FRMD7: variants seen among roughly 807,000 people sequenced by gnomAD.
The protein encoded by FRMD7 is FERM domain containing 7.
In FRMD7, 14 loss-of-function variants were observed where a neutral mutation model predicts 44.1. That is an observed-to-expected ratio of 0.32 (90% CI 0.21 to 0.50). The LOEUF (loss-of-function observed/expected upper bound fraction) is 0.50, where lower values mean the gene tolerates loss of function less well. Ranked by LOEUF, FRMD7 falls within the 20% of genes least tolerant of loss-of-function variation. The pLI, the probability that FRMD7 is intolerant of heterozygous loss-of-function variation, is 0.99. For missense variants in FRMD7, 501 were observed against 522.3 expected (o/e 0.96, Z 0.40); for synonymous variants, 212 against 187.4 (o/e 1.13, Z -1.07).
At chrX:132,084,388 G>A (rs961306588) in intron 8 of FRMD7, 102 bp downstream of exon 8, 6 of 563,921 alleles carry the variant, frequency 1.1e-5, no homozygotes, top group East Asian at 3.3e-5. Context: ...CATCACTCAG[G>A]GCCAGCCGGC....
chrX:132,080,473 G>A (rs1031981741), intron 9 of FRMD7, among the ~76,000 whole-genome samples: 5 of 112,008 alleles, frequency 4.5e-5, no homozygotes, highest in Admixed American at 3.8e-4. Flanking sequence ...AATTTTTAAA[G>A]GCCTCTGAAC....
chrX:132,114,356 G>T (rs1160317043), intron 1 of FRMD7, among the ~76,000 whole-genome samples: 1 of 111,285 alleles, frequency 9.0e-6, no homozygotes, highest in Non-Finnish European at 1.9e-5. Flanking sequence ...AATATATTCA[G>T]GAAACTATTC....
chrX:132,079,490 G>A (rs908589177), intron 11 of FRMD7, among the ~76,000 whole-genome samples: 3 of 111,807 alleles, frequency 2.7e-5, no homozygotes, highest in Non-Finnish European at 5.6e-5. Context: ...GGGTTTATGA[G>A]ACCTATAATT....
At chrX:132,125,853 G>T (rs967160400) in intron 1 of FRMD7, among the ~76,000 whole-genome samples, 2 of 111,388 alleles carry the variant, frequency 1.8e-5, no homozygotes, top group Non-Finnish European at 3.8e-5. Context: ...GAGAGTTCTG[G>T]ATTGGAAGTC....
chrX:132,097,598 G>C (rs1346109985), intron 3 of FRMD7, among the ~76,000 whole-genome samples: 2 of 110,852 alleles, frequency 1.8e-5, no homozygotes, highest in Non-Finnish European at 3.8e-5. Flanking sequence ...CTCTGCCTTC[G>C]AGTTTATTTG....
intron 3 of FRMD7, 96 bp from the exon 4 acceptor site, chrX:132,097,440 C>CACACA: frequency 1.7e-6 from 1 of 577,365 alleles, no homozygotes; most frequent in Non-Finnish European, 3.1e-6. Context: ...CACACACACA[C>CACACA]CGCTCTCCTC....
intron 3 of FRMD7, 148 bp from the exon 4 acceptor site, chrX:132,097,492 T>C (rs1928376016): frequency 4.0e-6 from 2 of 505,241 alleles, no homozygotes; most frequent in Admixed American, 5.4e-5. Flanking sequence ...GACTTCTGTG[T>C]TTCCATTTAT....
chrX:132,117,967 T>C (rs1367121909), intron 1 of FRMD7, among the ~76,000 whole-genome samples: 1 of 112,285 alleles, frequency 8.9e-6, no homozygotes, highest in African/African-American at 3.2e-5. Context: ...TTATTTTTGC[T>C]TGAGACTTTG....
At chrX:132,119,739 C>T (rs1569349216) in intron 1 of FRMD7, among the ~76,000 whole-genome samples, 1 of 111,173 alleles carries the variant, frequency 9.0e-6, no homozygotes, top group Non-Finnish European at 1.9e-5. Flanking sequence ...GTTCCGCAGC[C>T]CCCAGAAAAA....
chrX:132,106,508 C>T (rs1380119899), intron 1 of FRMD7, among the ~76,000 whole-genome samples: 2 of 111,837 alleles, frequency 1.8e-5, no homozygotes, highest in Non-Finnish European at 3.8e-5. Context: ...TTGGACCCAG[C>T]AATCCCATTA....
intron 1 of FRMD7, among the ~76,000 whole-genome samples, chrX:132,108,180 A>G (rs1928692131): frequency 8.9e-6 from 1 of 112,016 alleles, no homozygotes; most frequent in African/African-American, 3.2e-5. Context: ...ATGTGATTCA[A>G]TTCCTATGAA....
At position 132,085,235 on chromosome X, in the gene FRMD7, A is replaced by C. The variant is rs766972989; in HGVS notation, c.645+346T>G. The stretch of plus-strand genomic sequence containing the variant: ...CTCCCTTGGCTTTCCTGGTCGGTCC[A>C]ACCAGCTTTGCTTTTTTGCTTATTT... On this transcript the variant is annotated intron_variant, in intron 7 of 11. Coordinates refer to ENST00000298542, the MANE Select transcript of FRMD7 (RefSeq NM_194277.3). Among the ~76,000 whole-genome samples, 249 of 111,471 alleles carry C rather than the reference A, an allele frequency of 2.2e-3. 1 individual carries two copies. Among genetic ancestry groups the C allele is most frequent in the African/African-American group, 7.8e-3 (239 of 30,664 alleles).
intron 2 of FRMD7, among the ~76,000 whole-genome samples, 161 bp from the exon 3 acceptor site, chrX:132,099,671 C>T (rs1451504219): frequency 9.0e-6 from 1 of 111,516 alleles, no homozygotes; most frequent in Non-Finnish European, 1.9e-5. Flanking sequence ...TGGCATACTA[C>T]GTTTAATCTG....
At chrX:132,125,409 G>A (rs761714434) in intron 1 of FRMD7, among the ~76,000 whole-genome samples, 2 of 111,543 alleles carry the variant, frequency 1.8e-5, no homozygotes, top group South Asian at 7.6e-4. Flanking sequence ...ATCTTATCTT[G>A]AAGGACAATT....
chrX:132,098,468 T>C (rs892022173), intron 3 of FRMD7, among the ~76,000 whole-genome samples: 5 of 111,918 alleles, frequency 4.5e-5, no homozygotes, highest in Admixed American at 9.5e-5. Flanking sequence ...AGTGATGTGA[T>C]CAGGTTGGTG....
intron 2 of FRMD7, 64 bp from the exon 3 acceptor site, chrX:132,099,574 G>A (rs753644500): frequency 1.0e-5 from 8 of 785,429 alleles, no homozygotes; most frequent in Non-Finnish European, 1.5e-5. Flanking sequence ...TTTTTTTTCG[G>A]TAATAGATAA....
chrX:132,095,296 T>C (rs1235608514), intron 4 of FRMD7, among the ~76,000 whole-genome samples: 1 of 109,799 alleles, frequency 9.1e-6, no homozygotes, highest in Non-Finnish European at 1.9e-5. Context: ...GGTTTCACCA[T>C]GTTGGCCAGG....
At chrX:132,083,390 T>G (rs1236541826) in intron 8 of FRMD7, among the ~76,000 whole-genome samples, 1 of 111,511 alleles carries the variant, frequency 9.0e-6, no homozygotes, top group Non-Finnish European at 1.9e-5. Flanking sequence ...CCCCATCTCC[T>G]GACACTATAT....
intron 4 of FRMD7, 176 bp from the exon 5 acceptor site, chrX:132,094,315 G>T (rs1003672898): frequency 4.5e-6 from 2 of 444,741 alleles, no homozygotes; most frequent in Non-Finnish European, 8.0e-6. Flanking sequence ...ACCAGACCCG[G>T]ACCACAACTC....
Sources: gnomAD v4.1 joint callset for allele counts (sites outside exome capture counted in the v4.1 genomes callset) on GRCh38, gnomAD v4.1.1 for gene constraint, MANE v1.5 for transcripts, NCBI Gene and HGNC (gene_info 2026-07-23, HGNC 2026-07-21) for gene names.